The following MROH1 variants were observed in gnomAD, a reference collection of about 807,000 sequenced individuals.
MROH1 encodes maestro heat like repeat family member 1.
In MROH1, 117 loss-of-function variants were observed where a neutral mutation model predicts 116.5. That is an observed-to-expected ratio of 1.00 (90% CI 0.86 to 1.17). The LOEUF (loss-of-function observed/expected upper bound fraction) is 1.17, where lower values mean the gene tolerates loss of function less well. MROH1 is among the 50% of genes most tolerant of loss of function. The probability of loss-of-function intolerance (pLI) is 0.00; values close to 1 mark genes in which losing one functional copy is unlikely to be tolerated. For synonymous variants in MROH1, 921 were observed against 583.9 expected (o/e 1.58, Z -8.32); for missense variants, 1,873 against 1,338.5 (o/e 1.40, Z -6.23).
chr8:144,242,809 G>A (rs1484788496), intron 24 of MROH1, among the ~76,000 whole-genome samples, 181 bp downstream of exon 24: 12 of 152,330 alleles, frequency 7.9e-5, no homozygotes, highest in African/African-American at 2.9e-4. Context: ...CCTGGGCCCT[G>A]GACGGCAGTG....
chr8:144,257,512 C>T (rs1844114854), intron 35 of MROH1, among the ~76,000 whole-genome samples: 1 of 152,210 alleles, frequency 6.6e-6, no homozygotes, highest in African/African-American at 2.4e-5. Flanking sequence ...GCCCTGTGTA[C>T]CCAACCGTCC....
chr8:144,249,904 G>A (rs1012288755), intron 32 of MROH1, among the ~76,000 whole-genome samples: 56 of 152,222 alleles, frequency 3.7e-4, no homozygotes, highest in Admixed American at 6.5e-5. Flanking sequence ...GCATGGGGCC[G>A]CTGGCTCTGT....
intron 1 of MROH1, among the ~76,000 whole-genome samples, chr8:144,159,918 C>A (rs111902418): frequency 0.011 from 1,702 of 152,190 alleles, 24 homozygotes; most frequent in African/African-American, 0.035. Flanking sequence ...CAGGGGCCCG[C>A]CACCACACCC....
intron 14 of MROH1, among the ~76,000 whole-genome samples, chr8:144,238,123 A>T (rs1184236329): frequency 5.4e-5 from 8 of 149,072 alleles, no homozygotes; most frequent in African/African-American, 1.7e-4. Flanking sequence ...CTATATTTTT[A>T]GTGCCTACTG....
At chr8:144,157,737 G>T (rs1316391174) in intron 1 of MROH1, among the ~76,000 whole-genome samples, 4 of 146,460 alleles carry the variant, frequency 2.7e-5, no homozygotes, top group African/African-American at 1.0e-4. Context: ...GAGTGCAGTG[G>T]TGCAGTCTTG....
At chr8:144,231,620 AC>A (rs1264853512) in intron 14 of MROH1, among the ~76,000 whole-genome samples, 1 of 152,174 alleles carries the variant, frequency 6.6e-6, no homozygotes, top group African/African-American at 2.4e-5. Context: ...AGTTCATAGC[AC>A]CCCAAAACAA....
Position 144,223,129 on chromosome 8 carries a change from G to C in MROH1, c.1237G>C (p.Val413Leu). 6.2e-7 allele frequency: 1 copy of C among 1,613,282 alleles called. No individual in the cohort carries two copies. The highest frequency in any genetic ancestry group is 1.1e-5 in the South Asian group (1 of 91,018). The change falls in exon 14 of 44, where the codon GTG becomes CTG. Residue 413 changes from valine to leucine, a missense_variant. Physicochemically the swap from Val to Leu is conservative, Grantham distance 32. Transcript: ENST00000326134. ...GCAGGTGAAGCGGGCAGTGGTGCAGGTGATTAGCGCCATGGCCCACCACGG... is the reference window on the plus strand; with the variant it reads ...GCAGGTGAAGCGGGCAGTGGTGCAGCTGATTAGCGCCATGGCCCACCACGG... ...NSKVKRAVVQ[V>L]ISAMAHHGYL...
At chr8:144,230,091 G>A (rs1364599109) in intron 14 of MROH1, among the ~76,000 whole-genome samples, 1 of 152,140 alleles carries the variant, frequency 6.6e-6, no homozygotes, top group African/African-American at 2.4e-5. Flanking sequence ...ACAACTTGTT[G>A]CGGTTTCTCC....
At chr8:144,173,927 C>A (rs928111263) in intron 4 of MROH1, among the ~76,000 whole-genome samples, 8 of 151,986 alleles carry the variant, frequency 5.3e-5, no homozygotes, top group African/African-American at 1.9e-4. Flanking sequence ...TTTTATTGAG[C>A]GATGAAAATG....
chr8:144,255,741 T>C, intron 35 of MROH1, 36 bp downstream of exon 35: 1 of 725,460 alleles, frequency 1.4e-6, no homozygotes, highest in South Asian at 1.5e-5. Context: ...CCAGTACTGA[T>C]TCGGAAGCAC....
At chr8:144,189,716 A>G (rs1006445748) in intron 7 of MROH1, among the ~76,000 whole-genome samples, 6 of 152,112 alleles carry the variant, frequency 3.9e-5, no homozygotes, top group South Asian at 2.1e-4. Context: ...CCGCCCTGCC[A>G]TTGTTCTCCC....
chr8:144,238,631 G>A, intron 14 of MROH1, 125 bp from the exon 15 acceptor site: 2 of 673,738 alleles, frequency 3.0e-6, no homozygotes, highest in Admixed American at 4.1e-5. Flanking sequence ...GTCTGTGGCA[G>A]GTGGTGCACA....
At chr8:144,164,407 CAAA>C (rs202061294) in intron 3 of MROH1, among the ~76,000 whole-genome samples, 2 of 93,654 alleles carry the variant, frequency 2.1e-5, no homozygotes, top group Non-Finnish European at 2.3e-5. Flanking sequence ...TCGGTCCCCC[CAAA>C]AAAAAAAAAA....
rs1817000492 is a variant in MROH1 at position 144,152,363 on chromosome 8, A to G, written c.-177+4287A>G. On this transcript the variant is annotated intron_variant, in intron 1 of 43. Coordinates refer to ENST00000326134, the MANE Select transcript of MROH1 (RefSeq NM_032450.3). ...TCATATATATTATGATTGGTTTATC[A>G]TAACTGCCTTGTTTTTTTATTTAAA... 1.1e-4 allele frequency among the ~76,000 whole-genome samples: 16 copies of G among 150,592 alleles called. No homozygotes were observed. The South Asian group carries it at 2.9e-3, about 28-fold the overall frequency.
At position 144,255,111 on chromosome 8, in the gene MROH1, GCTCTGAGCT is replaced by G. The variant is rs1433101455; in HGVS notation, c.3594+135_3594+143del. 4.9e-6 allele frequency: 3 copies of G among 610,058 alleles called. No individual in the cohort carries two copies. In the Admixed American group the frequency reaches 8.3e-5, roughly 17 times the overall value. The allele number at this position is 610,058 out of a possible 1,614,324, so 37.8% of individuals were successfully genotyped here. A position where few individuals can be genotyped will look rare whatever the true frequency, so the allele number is the denominator to read the frequency against. ...ACCTGGAGGCAGCACCGGGCTGGGA[GCTCTGAGCT>G]CAGGCTCGTAAAGGCCTCACAGGTG... On this transcript the variant is annotated intron_variant, in intron 34 of 43. Transcript: ENST00000326134.
intron 4 of MROH1, among the ~76,000 whole-genome samples, chr8:144,172,651 T>C (rs991128928): frequency 6.6e-6 from 1 of 152,120 alleles, no homozygotes; most frequent in African/African-American, 2.4e-5. Flanking sequence ...CCTTGTGATC[T>C]GCCCACCTTG....
At chr8:144,219,011 T>G (rs113140499) in intron 12 of MROH1, among the ~76,000 whole-genome samples, 34 of 137,074 alleles carry the variant, frequency 2.5e-4, no homozygotes, top group Non-Finnish European at 4.4e-4. Flanking sequence ...ATTTTTGTGT[T>G]TTTTTTTGTT....
chr8:144,163,671 T>A lies in MROH1; in HGVS notation c.-56-100T>A. ...ACGGAGATATTTCCCCCAGAATAAA[T>A]TCATTTAAATTGTGTATTTTACATG... On this transcript the variant is annotated intron_variant, in intron 2 of 43. Transcript: ENST00000326134. The surrounding 1 kb of genome is among the most constrained non-coding windows in gnomAD (Gnocchi z 4.4). 3 of 745,348 alleles carry A rather than the reference T, an allele frequency of 4.0e-6. No individual in the cohort carries two copies. The highest frequency in any genetic ancestry group is 6.5e-6 in the Non-Finnish European group (3 of 460,740). 46.2% of individuals were successfully genotyped at this position (745,348 alleles called of 1,614,324 possible).
chr8:144,183,110 G>A (rs1587968901), intron 7 of MROH1, among the ~76,000 whole-genome samples: 2 of 152,150 alleles, frequency 1.3e-5, no homozygotes, highest in East Asian at 3.9e-4. Context: ...GGGCATGGTA[G>A]CTTACGCCTG....
Sources: allele counts gnomAD v4.1 joint callset (sites outside exome capture counted in the v4.1 genomes callset), GRCh38; gene constraint gnomAD v4.1.1; non-coding constraint Gnocchi (gnomAD v3.1); transcripts MANE v1.5; gene names NCBI Gene and HGNC (gene_info 2026-07-23, HGNC 2026-07-21).